RBPMS2: variants seen among roughly 807,000 people sequenced by gnomAD.
RBPMS2 encodes the protein RNA-binding protein with multiple splicing 2.
Under a neutral mutation model 25.7 loss-of-function variants are expected in RBPMS2, and 14 were observed. The ratio of observed to expected loss-of-function variants is 0.55; its 90% CI spans 0.36 to 0.85. The LOEUF (loss-of-function observed/expected upper bound fraction) is 0.85, where lower values mean the gene tolerates loss of function less well. RBPMS2 is among the 40% of genes least tolerant of loss of function. RBPMS2 has a pLI of 0.01. For synonymous variants in RBPMS2, 127 were observed against 115.6 expected (o/e 1.10, Z -0.63); for missense variants, 252 against 283.4 (o/e 0.89, Z 0.80).
Position 64,766,961 on chromosome 15 carries a change from T to C in RBPMS2, c.87+8272A>G, listed in dbSNP as rs1475744191. Reference sequence around the variant, plus strand: ...GCCACACCCAGCTAATTTTTGTATTTTTAGTAGAGATGGGGTTTCACCACA... The same window carrying C: ...GCCACACCCAGCTAATTTTTGTATTCTTAGTAGAGATGGGGTTTCACCACA... On this transcript the variant is annotated intron_variant, in intron 1 of 7. Coordinates refer to ENST00000300069, the MANE Select transcript of RBPMS2 (RefSeq NM_194272.3). Among the ~76,000 whole-genome samples, 4 of 152,156 alleles carry C rather than the reference T, an allele frequency of 2.6e-5. No individual in the cohort carries two copies. In the East Asian group the frequency reaches 7.7e-4, roughly 29 times the overall value.
At chr15:64,762,986 ACGTTAG>A (rs1275495356) in intron 1 of RBPMS2, among the ~76,000 whole-genome samples, 2 of 149,338 alleles carry the variant, frequency 1.3e-5, no homozygotes, top group Admixed American at 1.3e-4. Context: ...TGCAGAGCCA[ACGTTAG>A]GGCTGCCGAA....
At chr15:64,750,283 T>C in intron 3 of RBPMS2, 60 bp downstream of exon 3, 5 of 1,454,216 alleles carry the variant, frequency 3.4e-6, no homozygotes, top group Non-Finnish European at 9.7e-7. Flanking sequence ...AACGGGCCCT[T>C]GTTTGAAGCT....
At chr15:64,765,852 G>C (rs1215969969) in intron 1 of RBPMS2, among the ~76,000 whole-genome samples, 1 of 152,080 alleles carries the variant, frequency 6.6e-6, no homozygotes, top group African/African-American at 2.4e-5. Context: ...AATTAGCTGG[G>C]CATGGTGGAA....
At chr15:64,772,368 G>A (rs1415876936) in intron 1 of RBPMS2, among the ~76,000 whole-genome samples, 1 of 152,156 alleles carries the variant, frequency 6.6e-6, no homozygotes, top group Non-Finnish European at 1.5e-5. Context: ...TTACCTGCAG[G>A]ACAGCACAAC....
intron 1 of RBPMS2, chr15:64,761,256 A>G (rs1241970629): frequency 6.6e-6 from 1 of 152,202 alleles, no homozygotes; most frequent in Non-Finnish European, 1.5e-5. Flanking sequence ...AGAGAAATCC[A>G]AAAAGGGAAA....
At chr15:64,760,280 G>A (rs766303650) in intron 1 of RBPMS2, among the ~76,000 whole-genome samples, 4 of 152,338 alleles carry the variant, frequency 2.6e-5, no homozygotes, top group Non-Finnish European at 5.9e-5. Flanking sequence ...GTCAGAAGTG[G>A]CTGCGGCCTG....
At chr15:64,759,697 T>C (rs1050247258) in intron 1 of RBPMS2, among the ~76,000 whole-genome samples, 3 of 152,104 alleles carry the variant, frequency 2.0e-5, no homozygotes, top group Non-Finnish European at 4.4e-5. Flanking sequence ...TTTTTTGAGA[T>C]GGAGTCTTGC....
At chr15:64,770,225 G>A (rs1051403422) in intron 1 of RBPMS2, among the ~76,000 whole-genome samples, 4 of 151,626 alleles carry the variant, frequency 2.6e-5, no homozygotes, top group Non-Finnish European at 4.4e-5. Context: ...TTCTCCCCCT[G>A]CCTTCCAGTC....
At chr15:64,770,743 A>T (rs1247126253) in intron 1 of RBPMS2, among the ~76,000 whole-genome samples, 1 of 152,072 alleles carries the variant, frequency 6.6e-6, no homozygotes, top group Non-Finnish European at 1.5e-5. Flanking sequence ...TCCAGGAATT[A>T]CCTCGCACTC....
intron 1 of RBPMS2, among the ~76,000 whole-genome samples, chr15:64,755,862 C>A (rs923531285): frequency 6.8e-6 from 1 of 146,180 alleles, no homozygotes; most frequent in African/African-American, 2.5e-5. Flanking sequence ...CCCTGACAAG[C>A]GTCCACAAGG....
chr15:64,775,516 G>C lies in RBPMS2; in HGVS notation c.-197C>G, dbSNP rs567275031. 2.8e-5 allele frequency: 9 copies of C among 317,726 alleles called. No homozygotes were observed. In the South Asian group the frequency reaches 1.3e-3, roughly 45 times the overall value. The allele number at this position is 317,726 out of a possible 1,614,324, so 19.7% of individuals were successfully genotyped here. A position where few individuals can be genotyped will look rare whatever the true frequency, so the allele number is the denominator to read the frequency against. On this transcript the variant is annotated 5_prime_UTR_variant, in exon 1 of 8. Transcript: ENST00000300069. ...GTTTGGCGGGTGCGGAAGGTGGGGAGGGGGTGCGGCGGGGGAGGCAGTGGG... is the reference window on the plus strand; with the variant it reads ...GTTTGGCGGGTGCGGAAGGTGGGGACGGGGTGCGGCGGGGGAGGCAGTGGG...
At chr15:64,771,916 G>C (rs1431073813) in intron 1 of RBPMS2, among the ~76,000 whole-genome samples, 1 of 152,174 alleles carries the variant, frequency 6.6e-6, no homozygotes, top group East Asian at 1.9e-4. Flanking sequence ...CTGAGATTGT[G>C]CCACTGCACT....
intron 1 of RBPMS2, among the ~76,000 whole-genome samples, chr15:64,764,733 G>A (rs1471594101): frequency 4.0e-5 from 6 of 151,510 alleles, no homozygotes; most frequent in Non-Finnish European, 7.4e-5. Context: ...GGCTAACACG[G>A]TGAAACCCTG....
chr15:64,741,963 C>T (rs1400891709), intron 6 of RBPMS2, among the ~76,000 whole-genome samples: 1 of 152,170 alleles, frequency 6.6e-6, no homozygotes, highest in African/African-American at 2.4e-5. Flanking sequence ...GTTCAGAGTT[C>T]GAGACCAGCC....
chr15:64,741,363 A>C, intron 6 of RBPMS2, 121 bp from the exon 7 acceptor site: 1 of 748,428 alleles, frequency 1.3e-6, no homozygotes, highest in Non-Finnish European at 2.3e-6. Context: ...TGGCTGGCAC[A>C]TTTTGGGCCA....
intron 6 of RBPMS2, among the ~76,000 whole-genome samples, chr15:64,747,297 C>G (rs1484748195): frequency 1.3e-5 from 2 of 152,150 alleles, no homozygotes; most frequent in African/African-American, 2.4e-5. Flanking sequence ...CTGGAAGAAC[C>G]TGAAAATGGA....
At chr15:64,741,480 C>T (rs76596835) in intron 6 of RBPMS2, among the ~76,000 whole-genome samples, 1,943 of 152,314 alleles carry the variant, frequency 0.013, 30 homozygotes, top group African/African-American at 0.045. Flanking sequence ...GTCACGCAGG[C>T]GTCTCATACC....
At position 64,748,571 on chromosome 15, in the gene RBPMS2, C is replaced by T. The variant is rs761236882; in HGVS notation, c.419-4G>A. ...AGAGCAGCCCCCATCAGGTCATCTA[C>T]AACAGGAGACAATGGCCTCCATCAT... On this transcript the variant is annotated splice_region_variant and splice_polypyrimidine_tract_variant and intron_variant, in intron 5 of 7. Coordinates refer to ENST00000300069, the MANE Select transcript of RBPMS2 (RefSeq NM_194272.3). 2 of 1,534,970 alleles carry T rather than the reference C, an allele frequency of 1.3e-6. No homozygotes were observed. Among genetic ancestry groups the T allele is most frequent in the South Asian group, 2.5e-5 (2 of 78,662 alleles).
chr15:64,771,778 G>A (rs2083894826), intron 1 of RBPMS2, among the ~76,000 whole-genome samples: 1 of 152,070 alleles, frequency 6.6e-6, no homozygotes, highest in Non-Finnish European at 1.5e-5. Flanking sequence ...TGGCCAACAT[G>A]GTGAAATCCT....
Sources: allele counts gnomAD v4.1 joint callset (sites outside exome capture counted in the v4.1 genomes callset), GRCh38; gene constraint gnomAD v4.1.1; transcripts MANE v1.5; gene names NCBI Gene and HGNC (gene_info 2026-07-23, HGNC 2026-07-21).